Variants in CACNA2D3 observed in about 807,000 individuals in gnomAD.
CACNA2D3 encodes voltage-dependent calcium channel subunit alpha-2/delta-3.
A neutral mutation model predicts 160.6 loss-of-function variants in CACNA2D3; 60 were observed. That is an observed-to-expected ratio of 0.37 (90% CI 0.30 to 0.46). The LOEUF is 0.46. CACNA2D3 is among the 20% of genes least tolerant of loss of function. CACNA2D3 has a pLI of 1.00. For missense variants in CACNA2D3, 1,205 were observed against 1,365.0 expected, an observed-to-expected ratio of 0.88 and a Z score of 1.85; for synonymous variants, 558 against 492.9, an observed-to-expected ratio of 1.13 and a Z score of -1.75.
chr3:54,661,567 A>G (rs541153575), intron 11 of CACNA2D3, among the ~76,000 whole-genome samples: 39 of 152,266 alleles, frequency 2.6e-4, no homozygotes, highest in African/African-American at 9.1e-4. Context: ...ATTAAACAAA[A>G]CTACAGGTAC....
At chr3:54,752,969 T>C (rs1419677332) in intron 12 of CACNA2D3, among the ~76,000 whole-genome samples, 2 of 152,046 alleles carry the variant, frequency 1.3e-5, no homozygotes, top group Non-Finnish European at 2.9e-5. Context: ...CAAGCAGTTC[T>C]TGTGCCTCAG....
intron 2 of CACNA2D3, among the ~76,000 whole-genome samples, chr3:54,128,810 G>GA (rs758034778): frequency 3.9e-5 from 6 of 152,088 alleles, no homozygotes; most frequent in Non-Finnish European, 8.8e-5. Context: ...CCAAAACTGA[G>GA]AAAAAAATAA....
At chr3:54,254,144 A>G (rs1441293646) in intron 2 of CACNA2D3, among the ~76,000 whole-genome samples, 1 of 152,198 alleles carries the variant, frequency 6.6e-6, no homozygotes, top group African/African-American at 2.4e-5. Context: ...CCATTTCCCT[A>G]GAGAATGTTG....
intron 2 of CACNA2D3, among the ~76,000 whole-genome samples, chr3:54,231,354 A>G (rs905420588): frequency 3.3e-5 from 5 of 152,182 alleles, no homozygotes; most frequent in African/African-American, 1.2e-4. Context: ...GATCCACCAT[A>G]CCTGCAAGAT....
chr3:54,386,898 T>A, intron 4 of CACNA2D3, 124 bp downstream of exon 4: 1 of 832,706 alleles, frequency 1.2e-6, no homozygotes, highest in Non-Finnish European at 1.8e-6. Flanking sequence ...AGGATGGTAC[T>A]GAGTTGGAAT....
chr3:54,303,821 T>TTTTGTTTTG (rs1486886594), intron 2 of CACNA2D3, among the ~76,000 whole-genome samples: 1 of 103,166 alleles, frequency 9.7e-6, no homozygotes, highest in Non-Finnish European at 2.0e-5. Context: ...TTTTTCTGTT[T>TTTTGTTTTG]TTTTTTTTTT....
At chr3:54,974,158 T>C (rs1702333598) in intron 29 of CACNA2D3, among the ~76,000 whole-genome samples, 2 of 152,214 alleles carry the variant, frequency 1.3e-5, no homozygotes, top group African/African-American at 4.8e-5. Context: ...CTTCCGTTTC[T>C]GAAAAACTGT....
chr3:54,735,424 G>A (rs938723903), intron 11 of CACNA2D3, among the ~76,000 whole-genome samples: 1 of 152,184 alleles, frequency 6.6e-6, no homozygotes, highest in Admixed American at 6.6e-5. Context: ...TGCAATGAAG[G>A]TTGAAGTCCC....
intron 11 of CACNA2D3, among the ~76,000 whole-genome samples, chr3:54,711,465 T>C (rs534119928): frequency 8.5e-5 from 13 of 152,296 alleles, no homozygotes; most frequent in Non-Finnish European, 1.9e-4. Flanking sequence ...ATGGCAGCAG[T>C]TTGAGGAGAC....
At chr3:54,618,721 T>C (rs1698917797) in intron 9 of CACNA2D3, among the ~76,000 whole-genome samples, 1 of 152,136 alleles carries the variant, frequency 6.6e-6, no homozygotes, top group Non-Finnish European at 1.5e-5. Flanking sequence ...CCCCCAATCC[T>C]GGGCCATAGC....
intron 13 of CACNA2D3, among the ~76,000 whole-genome samples, chr3:54,798,185 A>G (rs988175824): frequency 3.3e-5 from 5 of 152,210 alleles, no homozygotes; most frequent in Non-Finnish European, 2.9e-5. Flanking sequence ...TATGGCTACC[A>G]AGAATGTTAA....
chr3:54,141,086 T>TGTGTGTGTGTGTGTGTGCGCGC (rs61601297), intron 2 of CACNA2D3, among the ~76,000 whole-genome samples: 3 of 119,798 alleles, frequency 2.5e-5, no homozygotes, highest in Admixed American at 9.5e-5. Context: ...TGTGTGTGTG[T>TGTGTGTGTGTGTGTGTGCGCGC]GCGCGCGCGC....
intron 2 of CACNA2D3, among the ~76,000 whole-genome samples, chr3:54,303,714 A>G (rs1013972082): frequency 1.3e-5 from 2 of 151,960 alleles, no homozygotes; most frequent in Non-Finnish European, 2.9e-5. Flanking sequence ...TAGGGGAGAC[A>G]TGGCTCACGG....
intron 4 of CACNA2D3, among the ~76,000 whole-genome samples, chr3:54,471,633 A>G (rs1411359132): frequency 6.6e-6 from 1 of 152,214 alleles, no homozygotes; most frequent in Admixed American, 6.5e-5. Context: ...TAAAAGATTA[A>G]CAAAATAGCT....
intron 13 of CACNA2D3, among the ~76,000 whole-genome samples, chr3:54,812,799 G>A (rs562641273): frequency 1.3e-4 from 20 of 152,254 alleles, no homozygotes; most frequent in African/African-American, 4.6e-4. Context: ...TTCCTGACTG[G>A]GGTGACCTTG....
intron 13 of CACNA2D3, among the ~76,000 whole-genome samples, chr3:54,768,724 C>T (rs72874221): frequency 2.0e-5 from 3 of 152,046 alleles, no homozygotes; most frequent in African/African-American, 7.3e-5. Context: ...CTTGGTATGC[C>T]AAGATGACAG....
At position 54,582,663 on chromosome 3, in the gene CACNA2D3, A is replaced by G. The variant is rs960288024; in HGVS notation, c.963+786A>G. Among the ~76,000 whole-genome samples, 2 of 152,270 alleles carry G rather than the reference A, an allele frequency of 1.3e-5. 1 individual carries two copies. The stretch of plus-strand genomic sequence containing the variant: ...CATGTTGATTTTCTGTACCTGACAC[A>G]CAGAGCTGCTCTTCCCCTGGAGAGC... On this transcript the variant is annotated intron_variant, in intron 9 of 37. Transcript: ENST00000474759.
intron 4 of CACNA2D3, among the ~76,000 whole-genome samples, chr3:54,490,692 G>A: frequency 6.6e-6 from 1 of 152,192 alleles, no homozygotes; most frequent in East Asian, 1.9e-4. Context: ...GGAATCCAGG[G>A]ATGCATAGGT....
chr3:54,256,186 A>T (rs1023775903), intron 2 of CACNA2D3, among the ~76,000 whole-genome samples: 2 of 152,072 alleles, frequency 1.3e-5, no homozygotes, highest in Non-Finnish European at 2.9e-5. Context: ...TGTCACTAGG[A>T]AGGTGTGTGG....
Sources: gnomAD v4.1 joint callset for allele counts (sites outside exome capture counted in the v4.1 genomes callset) on GRCh38, gnomAD v4.1.1 for gene constraint, MANE v1.5 for transcripts, NCBI Gene and HGNC (gene_info 2026-07-23, HGNC 2026-07-21) for gene names.